PMS1: variants seen among roughly 807,000 people sequenced by gnomAD.
The protein encoded by PMS1 is PMS1 protein homolog 1.
A neutral mutation model predicts 93.1 loss-of-function variants in PMS1; 79 were observed. The observed-to-expected ratio is 0.85, with a 90% CI of 0.71 to 1.02. The LOEUF (loss-of-function observed/expected upper bound fraction) is 1.02, where lower values mean the gene tolerates loss of function less well. PMS1 is among the 50% of genes least tolerant of loss of function. The pLI is 0.00. For synonymous variants in PMS1, 335 were observed against 363.4 expected (o/e 0.92, Z 0.89); for missense variants, 1,064 against 1,085.3 (o/e 0.98, Z 0.28).
chr2:189,823,788 A>T (rs1209440960), intron 5 of PMS1, among the ~76,000 whole-genome samples: 1 of 152,136 alleles, frequency 6.6e-6, no homozygotes, highest in African/African-American at 2.4e-5. Context: ...TATCACAGGC[A>T]TAAAATTTAA....
At chr2:189,787,133 AATG>A (rs1427274142) in intron 1 of PMS1, among the ~76,000 whole-genome samples, 1 of 152,212 alleles carries the variant, frequency 6.6e-6, no homozygotes, top group Non-Finnish European at 1.5e-5. Flanking sequence ...AGGTCATCTA[AATG>A]ATGATATTTA....
At chr2:189,847,315 C>CATTA (rs2054337077) in intron 6 of PMS1, among the ~76,000 whole-genome samples, 1 of 152,094 alleles carries the variant, frequency 6.6e-6, no homozygotes, top group African/African-American at 2.4e-5. Flanking sequence ...TACTTCCATC[C>CATTA]ATTATCACTT....
chr2:189,847,823 T>C (rs2054378942), intron 6 of PMS1, among the ~76,000 whole-genome samples: 1 of 152,188 alleles, frequency 6.6e-6, no homozygotes, highest in African/African-American at 2.4e-5. Flanking sequence ...CTCTTCCATT[T>C]TTTTTCATAA....
chr2:189,873,691 A>G, intron 12 of PMS1, 35 bp downstream of exon 12: 2 of 1,511,668 alleles, frequency 1.3e-6, no homozygotes, highest in Non-Finnish European at 1.8e-6. Context: ...TATTGTATAC[A>G]GGGGTCCCAA....
At chr2:189,862,661 G>A (rs1333754137) in intron 9 of PMS1, among the ~76,000 whole-genome samples, 2 of 152,186 alleles carry the variant, frequency 1.3e-5, no homozygotes, top group African/African-American at 4.8e-5. Context: ...CCTTGAGCTT[G>A]TAGAGGTTTT....
chr2:189,863,523 G>A (rs2056257786), intron 9 of PMS1, among the ~76,000 whole-genome samples: 1 of 151,946 alleles, frequency 6.6e-6, no homozygotes, highest in Admixed American at 6.6e-5. Context: ...TAAAATGCTG[G>A]GATTACAGGT....
rs574605931 is a variant in PMS1, at chr2:189,784,567, A to G, written c.-47A>G. 39 of 153,010 alleles carry G rather than the reference A, an allele frequency of 2.5e-4. No individual in the cohort carries two copies. The East Asian group carries it at 7.5e-3, about 29-fold the overall frequency. 9.5% of individuals were successfully genotyped at this position (153,010 alleles called of 1,614,324 possible). On this transcript the variant is annotated 5_prime_UTR_variant, in exon 1 of 13. Transcript: ENST00000441310. Reference sequence around the variant, plus strand: ...TGGCTGCTTGCGGCTAGTGGATGGTAATTGCCTGCCTCGCGCTAGCAGGAA... The same window carrying G: ...TGGCTGCTTGCGGCTAGTGGATGGTGATTGCCTGCCTCGCGCTAGCAGGAA...
rs5742969 is a variant in PMS1 at position 189,789,840 on chromosome 2, C to T, written c.-20-1950C>T. On this transcript the variant is annotated intron_variant, in intron 1 of 12. Coordinates refer to ENST00000441310, the MANE Select transcript of PMS1 (RefSeq NM_000534.5). ...TTGGTCCAATAAAATCTTGATTCTG[C>T]AGAGGAATTGCATGTTGTCAAGCTT... 7.6e-3 allele frequency among the ~76,000 whole-genome samples: 1,157 copies of T among 152,220 alleles called. 11 individuals carry two copies. The highest frequency in any genetic ancestry group is 0.031 in the Middle Eastern group (9 of 294).
rs188466472 is a variant in PMS1, at chr2:189,795,509, G to C, written c.133-260G>C. Reference sequence around the variant, plus strand: ...GTTTATTGTAAATACCCATGATAATGAAACAGTGAAAAGCAACCTTAAAGA... The same window carrying C: ...GTTTATTGTAAATACCCATGATAATCAAACAGTGAAAAGCAACCTTAAAGA... On this transcript the variant is annotated intron_variant, in intron 2 of 12. Coordinates refer to ENST00000441310, the MANE Select transcript of PMS1 (RefSeq NM_000534.5). Among the ~76,000 whole-genome samples, 9 of 152,202 alleles carry C rather than the reference G, an allele frequency of 5.9e-5. No homozygotes were observed. In the East Asian group the frequency reaches 1.7e-3, roughly 29 times the overall value.
At chr2:189,816,460 A>G (rs1212543377) in intron 4 of PMS1, among the ~76,000 whole-genome samples, 2 of 152,128 alleles carry the variant, frequency 1.3e-5, no homozygotes, top group Non-Finnish European at 2.9e-5. Context: ...AATGTGTAAA[A>G]TTCTTTTCTT....
intron 5 of PMS1, among the ~76,000 whole-genome samples, chr2:189,832,925 C>CA (rs5743079): frequency 0.018 from 2,697 of 152,114 alleles, 75 homozygotes; most frequent in African/African-American, 0.061. Flanking sequence ...TAATAAAATA[C>CA]AAAATGGATA....
chr2:189,864,423 C>T, intron 10 of PMS1, 195 bp downstream of exon 10: 40 of 519,246 alleles, frequency 7.7e-5, no homozygotes, highest in Non-Finnish European at 1.3e-4. Flanking sequence ...TTTGGGAGGC[C>T]AAGGTGGGTG....
At chr2:189,807,091 T>C (rs2050410690) in intron 4 of PMS1, 1 of 175,456 alleles carries the variant, frequency 5.7e-6, no homozygotes, top group Admixed American at 6.3e-5. Context: ...AAATATAAAT[T>C]TCTTATATTT....
chr2:189,844,371 T>C (rs1178716982), intron 6 of PMS1, among the ~76,000 whole-genome samples: 1 of 152,128 alleles, frequency 6.6e-6, no homozygotes, highest in African/African-American at 2.4e-5. Flanking sequence ...TGGCTGGGCA[T>C]GGTGACTCAT....
chr2:189,877,535 G>T lies in PMS1; in HGVS notation c.*99G>T, dbSNP rs2057672488. Reference sequence around the variant, plus strand: ...TTATCTTTGTATTATGTGTCACATGGTTATTTTTTAAATGAGGATTCACTG... The same window carrying T: ...TTATCTTTGTATTATGTGTCACATGTTTATTTTTTAAATGAGGATTCACTG... On this transcript the variant is annotated 3_prime_UTR_variant, in exon 13 of 13. Transcript: ENST00000441310. The T allele has an allele frequency of 1.3e-6, 1 of 793,864 alleles. No individual in the cohort carries two copies. Among genetic ancestry groups the T allele is most frequent in the Non-Finnish European group, 2.0e-6 (1 of 488,014 alleles). 49.2% of individuals were successfully genotyped at this position (793,864 alleles called of 1,614,324 possible).
At chr2:189,866,793 C>T (rs1021928114) in intron 10 of PMS1, among the ~76,000 whole-genome samples, 4 of 152,176 alleles carry the variant, frequency 2.6e-5, no homozygotes, top group Non-Finnish European at 5.9e-5. Context: ...TAGGCTCACA[C>T]GGACAGTAAA....
intron 9 of PMS1, among the ~76,000 whole-genome samples, chr2:189,860,496 G>A (rs2055845926): frequency 6.6e-6 from 1 of 151,960 alleles, no homozygotes; most frequent in Admixed American, 6.6e-5. Context: ...GGACATTTGG[G>A]TTGTTTCCAG....
At chr2:189,825,253 A>G (rs2052329289) in intron 5 of PMS1, among the ~76,000 whole-genome samples, 1 of 152,148 alleles carries the variant, frequency 6.6e-6, no homozygotes, top group African/African-American at 2.4e-5. Flanking sequence ...ATAGTGAATA[A>G]TGACACAGCC....
chr2:189,789,825 A>G (rs1478941857), intron 1 of PMS1, among the ~76,000 whole-genome samples: 2 of 152,158 alleles, frequency 1.3e-5, no homozygotes, highest in African/African-American at 4.8e-5. Flanking sequence ...TTGGTCCAAT[A>G]AAATCTTGAT....
Sources: gnomAD v4.1 joint callset for allele counts (sites outside exome capture counted in the v4.1 genomes callset) on GRCh38, gnomAD v4.1.1 for gene constraint, MANE v1.5 for transcripts, NCBI Gene and HGNC (gene_info 2026-07-23, HGNC 2026-07-21) for gene names.